The following IGFL2 variants were observed in gnomAD, a reference collection of about 807,000 sequenced individuals.
IGFL2 encodes the protein IGF like family member 2.
Under a neutral mutation model 13.9 loss-of-function variants are expected in IGFL2, and 7 were observed. The observed-to-expected ratio is 0.51, with a 90% CI of 0.29 to 0.95. The LOEUF (loss-of-function observed/expected upper bound fraction) is 0.95, where lower values mean the gene tolerates loss of function less well. IGFL2 is among the 40% of genes least tolerant of loss of function. The pLI is 0.08. For synonymous variants in IGFL2, 55 were observed against 55.8 expected (o/e 0.99, Z 0.07); for missense variants, 138 against 147.8 (o/e 0.93, Z 0.34).
the IGFL2 span, chr19:46,123,767 T>TG: frequency 8.6e-7 from 1 of 1,167,532 alleles, no homozygotes. Flanking sequence ...TTTCCCCTGC[T>TG]GCCACCAGCC....
At chr19:46,191,713 G>T in the IGFL2 span, among the ~76,000 whole-genome samples, 3 of 152,108 alleles carry the variant, frequency 2.0e-5, no homozygotes, top group African/African-American at 7.2e-5. Flanking sequence ...GTGAAATTAT[G>T]CTGGGAAGCA....
chr19:46,173,665 A>C, the IGFL2 span: 1 of 152,212 alleles, frequency 6.6e-6, no homozygotes, highest in Non-Finnish European at 1.5e-5. Flanking sequence ...GGGCACCAAG[A>C]CATTTGTGAG....
chr19:46,202,207 T>C, the IGFL2 span, among the ~76,000 whole-genome samples: 1 of 152,148 alleles, frequency 6.6e-6, no homozygotes, highest in Non-Finnish European at 1.5e-5. Flanking sequence ...AACTGATGTG[T>C]AAAAGGATGC....
the IGFL2 span, among the ~76,000 whole-genome samples, chr19:46,179,094 G>A: frequency 2.6e-5 from 4 of 151,728 alleles, no homozygotes; most frequent in East Asian, 1.9e-4. Flanking sequence ...GCAGGGGTCC[G>A]GGCAGATCTG....
chr19:46,082,238 T>C, the IGFL2 span, among the ~76,000 whole-genome samples: 3 of 152,220 alleles, frequency 2.0e-5, no homozygotes, highest in South Asian at 6.2e-4. Flanking sequence ...TGAAGATGTA[T>C]TTACTATTAC....
the IGFL2 span, among the ~76,000 whole-genome samples, chr19:46,102,458 T>C: frequency 6.6e-6 from 1 of 152,140 alleles, no homozygotes. Context: ...TGGGGGAGAA[T>C]ATTACAAAGT....
chr19:46,170,988 CTG>C, the IGFL2 span, among the ~76,000 whole-genome samples: 1 of 152,130 alleles, frequency 6.6e-6, no homozygotes, highest in East Asian at 1.9e-4. Flanking sequence ...CATGTGATCT[CTG>C]TGACCCACAC....
chr19:46,195,379 T>A, the IGFL2 span, among the ~76,000 whole-genome samples: 1 of 152,110 alleles, frequency 6.6e-6, no homozygotes, highest in Non-Finnish European at 1.5e-5. Context: ...CTGCCTTGCT[T>A]AGATCAGATA....
chr19:46,121,043 A>T, the IGFL2 span, among the ~76,000 whole-genome samples: 1 of 150,614 alleles, frequency 6.6e-6, no homozygotes, highest in African/African-American at 2.5e-5. Flanking sequence ...GCATTTCAAG[A>T]TACATATTTG....
chr19:46,209,308 G>A, the IGFL2 span: 1 of 152,232 alleles, frequency 6.6e-6, no homozygotes, highest in Non-Finnish European at 1.5e-5. Flanking sequence ...GGTCTTTAAA[G>A]CTCTCTCCCT....
chr19:46,120,261 A>G, the IGFL2 span: 10 of 1,603,116 alleles, frequency 6.2e-6, no homozygotes, highest in East Asian at 6.8e-5. Context: ...GTTCAACTGT[A>G]GTCTCCGATG....
chr19:46,212,237 G>A, the IGFL2 span: 1 of 152,214 alleles, frequency 6.6e-6, no homozygotes, highest in Non-Finnish European at 1.5e-5. Context: ...TGGGGAAGGT[G>A]CGTGCTGAGC....
At chr19:46,085,135 G>A in the IGFL2 span, among the ~76,000 whole-genome samples, 11 of 152,172 alleles carry the variant, frequency 7.2e-5, no homozygotes, top group Middle Eastern at 3.2e-3. Flanking sequence ...TTGAAACCCA[G>A]CAGGGCAGTC....
chr19:46,162,215 C>T (rs777869826), downstream of IGFL2, among the ~76,000 whole-genome samples: 3 of 152,176 alleles, frequency 2.0e-5, no homozygotes, highest in Non-Finnish European at 4.4e-5. Flanking sequence ...CTCTAGGTGC[C>T]TTTAACATTC....
intron 1 of IGFL2, among the ~76,000 whole-genome samples, chr19:46,156,156 A>G (rs917528390): frequency 3.9e-5 from 6 of 152,126 alleles, no homozygotes; most frequent in African/African-American, 4.8e-5. Flanking sequence ...TTGTTAACTT[A>G]TACAAAACCT....
the IGFL2 span, among the ~76,000 whole-genome samples, chr19:46,084,985 A>G: frequency 6.6e-6 from 1 of 152,218 alleles, no homozygotes; most frequent in Non-Finnish European, 1.5e-5. Flanking sequence ...TCATCTGGAC[A>G]TGAATTCCTT....
At chr19:46,149,372 C>G (rs1973347067) in intron 1 of IGFL2, among the ~76,000 whole-genome samples, 1 of 143,774 alleles carries the variant, frequency 7.0e-6, no homozygotes, top group Admixed American at 7.0e-5. Flanking sequence ...TTCTCTTCCC[C>G]TCTCCCCTCC....
chr19:46,199,420 A>T, the IGFL2 span, among the ~76,000 whole-genome samples: 1 of 152,136 alleles, frequency 6.6e-6, no homozygotes. Flanking sequence ...AATGGATTGG[A>T]TAGGGTTGGG....
At chr19:46,211,063 G>A in the IGFL2 span, among the ~76,000 whole-genome samples, 1 of 152,214 alleles carries the variant, frequency 6.6e-6, no homozygotes, top group East Asian at 1.9e-4. Context: ...CAATAGCTCT[G>A]AATGGCTGAA....
Sources: gnomAD v4.1 joint callset for allele counts (sites outside exome capture counted in the v4.1 genomes callset) on GRCh38, gnomAD v4.1.1 for gene constraint, MANE v1.5 for transcripts, NCBI Gene and HGNC (gene_info 2026-07-23, HGNC 2026-07-21) for gene names.